Variants in MAGI2 observed in about 807,000 individuals in gnomAD.
The protein encoded by MAGI2 is membrane-associated guanylate kinase, WW and PDZ domain-containing protein 2.
A neutral mutation model predicts 133.3 loss-of-function variants in MAGI2; 35 were observed. That is an observed-to-expected ratio of 0.26 (90% CI 0.20 to 0.35). The LOEUF (loss-of-function observed/expected upper bound fraction) is 0.35. Ranked by LOEUF, MAGI2 falls within the 10% of genes least tolerant of loss-of-function variation. MAGI2 has a pLI of 1.00. For missense variants in MAGI2, 1,636 were observed against 1,863.4 expected, an observed-to-expected ratio of 0.88 and a Z score of 2.25; for synonymous variants, 729 against 710.6, an observed-to-expected ratio of 1.03 and a Z score of -0.41.
At chr7:79,283,651 T>C (rs757580148) in intron 1 of MAGI2, among the ~76,000 whole-genome samples, 4 of 152,096 alleles carry the variant, frequency 2.6e-5, no homozygotes, top group South Asian at 2.1e-4. Context: ...GCTAAGAGGC[T>C]CTGGGAAAAT....
At chr7:78,688,495 T>C (rs1433133021) in intron 2 of MAGI2, among the ~76,000 whole-genome samples, 1 of 152,204 alleles carries the variant, frequency 6.6e-6, no homozygotes, top group African/African-American at 2.4e-5. Flanking sequence ...TCTGAAATAG[T>C]GCAAGGCTTT....
intron 1 of MAGI2, among the ~76,000 whole-genome samples, chr7:79,311,361 T>G (rs564656780): frequency 6.6e-6 from 1 of 152,178 alleles, no homozygotes; most frequent in South Asian, 2.1e-4. Flanking sequence ...CACCAAAAAA[T>G]TCTCATAGCG....
At chr7:79,122,875 A>G (rs1476259863) in intron 1 of MAGI2, among the ~76,000 whole-genome samples, 1 of 152,106 alleles carries the variant, frequency 6.6e-6, no homozygotes, top group Non-Finnish European at 1.5e-5. Flanking sequence ...TAATTTTAGT[A>G]GGGTCAGGGT....
At chr7:78,461,784 G>A (rs1209500041) in intron 6 of MAGI2, among the ~76,000 whole-genome samples, 3 of 151,594 alleles carry the variant, frequency 2.0e-5, no homozygotes, top group Non-Finnish European at 4.4e-5. Flanking sequence ...GGTGGTGCAT[G>A]CCTGTAATCC....
chr7:79,303,643 A>G (rs1451379212), intron 1 of MAGI2, among the ~76,000 whole-genome samples: 1 of 152,238 alleles, frequency 6.6e-6, no homozygotes, highest in East Asian at 1.9e-4. Flanking sequence ...TTTTGTCATC[A>G]GATGATTTAA....
At position 78,580,072 on chromosome 7, in the gene MAGI2, T is replaced by C. The variant is rs186733316; in HGVS notation, c.538+47048A>G. On this transcript the variant is annotated intron_variant, in intron 3 of 21. Transcript: ENST00000354212. ...TAACTTAGAATGAAGCTTTTTGAAG[T>C]AACTTTTTTTATAATATGGTGAATG... is the stretch of plus-strand genomic sequence containing the variant. 2.2e-4 allele frequency among the ~76,000 whole-genome samples: 33 copies of C among 152,118 alleles called. No homozygotes were observed. In the East Asian group the frequency reaches 6.3e-3, roughly 29 times the overall value.
chr7:78,757,305 T>TTCTC (rs3086250), intron 2 of MAGI2, among the ~76,000 whole-genome samples: 183 of 145,390 alleles, frequency 1.3e-3, no homozygotes, highest in Middle Eastern at 0.01. Flanking sequence ...TTCTCCCTCC[T>TTCTC]TCTCTCTCTC....
chr7:78,353,509 TTAAGA>T (rs1791737629), intron 7 of MAGI2, among the ~76,000 whole-genome samples: 1 of 152,168 alleles, frequency 6.6e-6, no homozygotes, highest in Non-Finnish European at 1.5e-5. Context: ...CCTGCATAAG[TTAAGA>T]TGAGTTACTC....
intron 1 of MAGI2, among the ~76,000 whole-genome samples, chr7:79,141,223 T>C (rs1329280700): frequency 6.6e-6 from 1 of 152,220 alleles, no homozygotes; most frequent in African/African-American, 2.4e-5. Flanking sequence ...TGTCTTGTAT[T>C]ATCTTCATCA....
At chr7:78,974,759 T>C (rs987111424) in intron 2 of MAGI2, among the ~76,000 whole-genome samples, 2 of 151,758 alleles carry the variant, frequency 1.3e-5, no homozygotes, top group Non-Finnish European at 2.9e-5. Context: ...TTACCAAGCA[T>C]TCCCATGCCC....
At chr7:78,847,258 A>T (rs916313922) in intron 2 of MAGI2, among the ~76,000 whole-genome samples, 2 of 152,008 alleles carry the variant, frequency 1.3e-5, no homozygotes, top group East Asian at 1.9e-4. Context: ...GAATACAAAT[A>T]TGCCTCATAC....
Position 78,694,649 on chromosome 7 carries a change from A to G in MAGI2, c.419-67410T>C, listed in dbSNP as rs143933961. Among the ~76,000 whole-genome samples the G allele has an allele frequency of 3.9e-5, 6 of 152,252 alleles. 1 individual carries two copies. The East Asian group carries it at 1.2e-3, about 29-fold the overall frequency. The stretch of plus-strand genomic sequence containing the variant: ...GACCCCTTCCATAATAATGGAAGCA[A>G]CATAACATAGAGTAAACATTGAGAC... On this transcript the variant is annotated intron_variant, in intron 2 of 21. Transcript: ENST00000354212.
At chr7:78,204,685 G>A (rs1175916754) in intron 10 of MAGI2, among the ~76,000 whole-genome samples, 1 of 152,092 alleles carries the variant, frequency 6.6e-6, no homozygotes, top group East Asian at 1.9e-4. Flanking sequence ...CTTGTTGTGT[G>A]TTTGAGTGTG....
chr7:78,481,410 T>A (rs1792359314), intron 6 of MAGI2, among the ~76,000 whole-genome samples: 1 of 151,956 alleles, frequency 6.6e-6, no homozygotes, highest in South Asian at 2.1e-4. Flanking sequence ...AACTGCCCCA[T>A]AATTCAGTCA....
chr7:78,075,362 T>C lies in MAGI2; in HGVS notation c.3706+3585A>G, dbSNP rs112993528. On this transcript the variant is annotated intron_variant, in intron 21 of 21. Coordinates refer to ENST00000354212, the MANE Select transcript of MAGI2 (RefSeq NM_012301.4). ...GAGCCCAATGTGTATTTTCACTATA[T>C]TGATGTAATAAATCTTTTTTTTTTT... 9.0e-4 allele frequency among the ~76,000 whole-genome samples: 137 copies of C among 151,780 alleles called. 1 individual carries two copies. The highest frequency in any genetic ancestry group is 3.1e-3 in the African/African-American group (127 of 41,250).
At chr7:78,514,318 C>T (rs1408447925) in intron 4 of MAGI2, among the ~76,000 whole-genome samples, 1 of 151,154 alleles carries the variant, frequency 6.6e-6, no homozygotes, top group Non-Finnish European at 1.5e-5. Context: ...TTACAATCAC[C>T]ACAAACTCTA....
At chr7:78,169,215 A>G (rs368515205) in intron 14 of MAGI2, among the ~76,000 whole-genome samples, 1 of 152,236 alleles carries the variant, frequency 6.6e-6, no homozygotes, top group Non-Finnish European at 1.5e-5. Flanking sequence ...ATAGTATTAC[A>G]TATTTTAATT....
intron 2 of MAGI2, among the ~76,000 whole-genome samples, chr7:78,873,359 C>A (rs985179775): frequency 1.6e-4 from 25 of 152,028 alleles, no homozygotes; most frequent in African/African-American, 5.8e-4. Context: ...GTATTTACAG[C>A]CACTTCCCAT....
chr7:79,285,741 T>C (rs1387628016), intron 1 of MAGI2, among the ~76,000 whole-genome samples: 1 of 152,102 alleles, frequency 6.6e-6, no homozygotes, highest in East Asian at 1.9e-4. Flanking sequence ...AGAAACAATG[T>C]TAGAGAAGAA....
Sources: allele counts gnomAD v4.1 joint callset (sites outside exome capture counted in the v4.1 genomes callset), GRCh38; gene constraint gnomAD v4.1.1; transcripts MANE v1.5; gene names NCBI Gene and HGNC (gene_info 2026-07-23, HGNC 2026-07-21).